The following PPM1E variants were observed in gnomAD, a reference collection of about 807,000 sequenced individuals.
PPM1E encodes the protein protein phosphatase 1E.
PPM1E carries 20 observed loss-of-function variants against 65.9 expected under a neutral mutation model. The ratio of observed to expected loss-of-function variants is 0.30; its 90% CI spans 0.21 to 0.44. PPM1E has a LOEUF of 0.44. PPM1E is among the 20% of genes least tolerant of loss of function. The pLI is 1.00. For missense variants in PPM1E, 713 were observed against 953.1 expected, an observed-to-expected ratio of 0.75 and a Z score of 3.32; for synonymous variants, 352 against 374.9, an observed-to-expected ratio of 0.94 and a Z score of 0.70.
At chr17:58,764,949 C>G (rs1335666818) in intron 1 of PPM1E, among the ~76,000 whole-genome samples, 1 of 151,772 alleles carries the variant, frequency 6.6e-6, no homozygotes, top group African/African-American at 2.4e-5. Flanking sequence ...TCATCTTTCT[C>G]TTTATTATTA....
intron 1 of PPM1E, among the ~76,000 whole-genome samples, chr17:58,835,143 C>A (rs2050642154): frequency 6.6e-6 from 1 of 152,114 alleles, no homozygotes; most frequent in Non-Finnish European, 1.5e-5. Context: ...GAGTTCGAGA[C>A]CAGCCTCAGC....
At chr17:58,945,143 C>T (rs1401285714) in intron 1 of PPM1E, among the ~76,000 whole-genome samples, 1 of 147,996 alleles carries the variant, frequency 6.8e-6, no homozygotes, top group Non-Finnish European at 1.5e-5. Flanking sequence ...CAGTCACACA[C>T]TTCTTTTTTT....
At chr17:58,919,359 CT>C (rs1204125229) in intron 1 of PPM1E, among the ~76,000 whole-genome samples, 1 of 152,168 alleles carries the variant, frequency 6.6e-6, no homozygotes, top group East Asian at 1.9e-4. Flanking sequence ...AGCTTTCATT[CT>C]ATTCATTTAA....
chr17:58,884,942 CCTT>C (rs1472328008), intron 1 of PPM1E, among the ~76,000 whole-genome samples: 1 of 152,004 alleles, frequency 6.6e-6, no homozygotes, highest in African/African-American at 2.4e-5. Context: ...ATATTAATCT[CCTT>C]AGATTTATCC....
At chr17:58,848,691 A>G (rs982253043) in intron 1 of PPM1E, among the ~76,000 whole-genome samples, 1 of 151,918 alleles carries the variant, frequency 6.6e-6, no homozygotes, top group South Asian at 2.1e-4. Context: ...TTTATTGAGG[A>G]TTTTTGCATT....
intron 1 of PPM1E, among the ~76,000 whole-genome samples, chr17:58,764,071 A>G (rs900081376): frequency 9.9e-5 from 15 of 152,016 alleles, no homozygotes; most frequent in Non-Finnish European, 1.9e-4. Flanking sequence ...ATATATCCAA[A>G]ATATTACTAT....
intron 1 of PPM1E, among the ~76,000 whole-genome samples, chr17:58,858,311 T>G (rs2050904691): frequency 6.6e-6 from 1 of 152,176 alleles, no homozygotes. Flanking sequence ...TTCTTTGTGT[T>G]GGAAACATTC....
intron 1 of PPM1E, among the ~76,000 whole-genome samples, chr17:58,908,006 A>G (rs2051579600): frequency 6.6e-6 from 1 of 151,236 alleles, no homozygotes; most frequent in African/African-American, 2.4e-5. Context: ...TGGATTATTT[A>G]CCATATTTGT....
chr17:58,836,747 C>A (rs370051787), intron 1 of PPM1E, among the ~76,000 whole-genome samples: 8 of 149,326 alleles, frequency 5.4e-5, no homozygotes. Flanking sequence ...ATTGGCCGGG[C>A]GCGGTGGCTC....
chr17:58,777,337 A>G (rs2050003832), intron 1 of PPM1E, among the ~76,000 whole-genome samples: 1 of 152,188 alleles, frequency 6.6e-6, no homozygotes, highest in African/African-American at 2.4e-5. Flanking sequence ...AACTTTATGA[A>G]CATTGAATTA....
intron 1 of PPM1E, among the ~76,000 whole-genome samples, chr17:58,864,503 G>T (rs1396150795): frequency 6.6e-6 from 1 of 151,970 alleles, no homozygotes; most frequent in Non-Finnish European, 1.5e-5. Context: ...AGCCAGGTGT[G>T]GTGGCTTGCG....
intron 1 of PPM1E, among the ~76,000 whole-genome samples, chr17:58,901,705 G>C (rs942715316): frequency 6.6e-6 from 1 of 151,164 alleles, no homozygotes; most frequent in Non-Finnish European, 1.5e-5. Context: ...GGCCAGACGC[G>C]GTGGCTCACA....
At chr17:58,800,618 TTTTCTC>T (rs1283931176) in intron 1 of PPM1E, among the ~76,000 whole-genome samples, 2 of 152,302 alleles carry the variant, frequency 1.3e-5, no homozygotes, top group East Asian at 3.9e-4. Context: ...GCTGCTGAGA[TTTTCTC>T]TTTCATCTTA....
At chr17:58,789,314 T>G (rs2050133357) in intron 1 of PPM1E, among the ~76,000 whole-genome samples, 1 of 152,206 alleles carries the variant, frequency 6.6e-6, no homozygotes, top group African/African-American at 2.4e-5. Context: ...GGCTCATACC[T>G]CATTCTTTTC....
At chr17:58,872,415 T>C (rs1460639562) in intron 1 of PPM1E, among the ~76,000 whole-genome samples, 1 of 152,104 alleles carries the variant, frequency 6.6e-6, no homozygotes, top group Non-Finnish European at 1.5e-5. Flanking sequence ...TTCAGCAAGA[T>C]TGGGTGAATG....
intron 1 of PPM1E, among the ~76,000 whole-genome samples, chr17:58,942,387 A>G (rs1598665081): frequency 6.6e-6 from 1 of 152,202 alleles, no homozygotes. Flanking sequence ...CTCTGTCTCA[A>G]AAAAGAAAAA....
chr17:58,853,657 A>G (rs1271585574), intron 1 of PPM1E, among the ~76,000 whole-genome samples: 1 of 152,122 alleles, frequency 6.6e-6, no homozygotes, highest in African/African-American at 2.4e-5. Context: ...GTGAAATGCC[A>G]TCTCTACTGA....
At chr17:58,935,218 C>T (rs1208392001) in intron 1 of PPM1E, among the ~76,000 whole-genome samples, 4 of 149,754 alleles carry the variant, frequency 2.7e-5, no homozygotes, top group African/African-American at 5.0e-5. Context: ...GCCACGCACT[C>T]CAGCCTGGGC....
chr17:58,803,274 T>G (rs559484043), intron 1 of PPM1E, among the ~76,000 whole-genome samples: 52 of 152,296 alleles, frequency 3.4e-4, no homozygotes, highest in Non-Finnish European at 5.7e-4. Context: ...TGTTGAAAGT[T>G]TTTTATCAAA....
Sources: gnomAD v4.1 joint callset for allele counts (sites outside exome capture counted in the v4.1 genomes callset) on GRCh38, gnomAD v4.1.1 for gene constraint, MANE v1.5 for transcripts, NCBI Gene and HGNC (gene_info 2026-07-23, HGNC 2026-07-21) for gene names.